The following LRRC27 variants were observed in gnomAD, a reference collection of about 807,000 sequenced individuals.
LRRC27 encodes the protein leucine rich repeat containing 27.
A neutral mutation model predicts 55.0 loss-of-function variants in LRRC27; 57 were observed. The ratio of observed to expected loss-of-function variants is 1.04; its 90% confidence interval spans 0.84 to 1.29. The LOEUF (loss-of-function observed/expected upper bound fraction) is 1.29. LRRC27 is among the 50% of genes most tolerant of loss of function. The probability of loss-of-function intolerance (pLI) is 0.00; values close to 1 mark genes in which losing one functional copy is unlikely to be tolerated. For missense variants in LRRC27, 721 were observed against 651.5 expected, an observed-to-expected ratio of 1.11 and a Z score of -1.16; for synonymous variants, 278 against 251.9, an observed-to-expected ratio of 1.10 and a Z score of -0.98.
At chr10:132,343,455 A>G (rs1213951553) in intron 4 of LRRC27, among the ~76,000 whole-genome samples, 1 of 152,254 alleles carries the variant, frequency 6.6e-6, no homozygotes, top group African/African-American at 2.4e-5. Context: ...TACACTTCAA[A>G]GAACAGAGAG....
intron 7 of LRRC27, among the ~76,000 whole-genome samples, chr10:132,354,441 G>A (rs1207914757): frequency 6.6e-6 from 1 of 152,164 alleles, no homozygotes; most frequent in South Asian, 2.1e-4. Flanking sequence ...GAGCGCAGCG[G>A]GGCCAGCACC....
chr10:132,337,799 A>C, intron 3 of LRRC27, 104 bp downstream of exon 3: 1 of 1,338,408 alleles, frequency 7.5e-7, no homozygotes, highest in Non-Finnish European at 1.0e-6. Context: ...TTTACCTCGG[A>C]ATAGAAACAT....
intron 9 of LRRC27, among the ~76,000 whole-genome samples, chr10:132,364,429 G>GCCCACACTTACACCCACC (rs2068851164): frequency 1.4e-4 from 1 of 7,068 alleles, no homozygotes; most frequent in Non-Finnish European, 4.0e-4. Flanking sequence ...TTACACCCAC[G>GCCCACACTTACACCCACC]CTTACATCTA....
rs2068830323 is a variant in LRRC27, at chr10:132,364,393, C to CCACACTTACACCCACA, written c.1290-1030_1290-1029insACACTTACACCCACAC. 5.2e-3 allele frequency among the ~76,000 whole-genome samples: 45 copies of CCACACTTACACCCACA among 8,642 alleles called. 3 individuals carry two copies. The highest frequency in any genetic ancestry group is 0.011 in the African/African-American group (26 of 2,306). 5.7% of individuals were successfully genotyped at this position (8,642 alleles called of 152,430 possible). On this transcript the variant is annotated intron_variant, in intron 9 of 10. Coordinates refer to ENST00000368614, the MANE Select transcript of LRRC27 (RefSeq NM_030626.3). ...TACACCCACCCACACTTACACCCAC[C>CCACACTTACACCCACA]CTTACATCTACCTCCACACCCGCGC...
chr10:132,343,811 TA>T (rs1319107156), intron 4 of LRRC27, among the ~76,000 whole-genome samples: 3 of 152,366 alleles, frequency 2.0e-5, no homozygotes, highest in African/African-American at 7.2e-5. Flanking sequence ...GCCACAGGAC[TA>T]GGGCCCCTGC....
chr10:132,364,846 TGGGG>T (rs2068975669), intron 9 of LRRC27, among the ~76,000 whole-genome samples: 3 of 2,540 alleles, frequency 1.2e-3, no homozygotes, highest in Admixed American at 5.4e-3. Context: ...GCCCACACCC[TGGGG>T]CCCCACACTC....
rs771427512 is a variant in LRRC27, at chr10:132,348,195, C to A, written c.765C>A (p.Ser255Arg). The A allele has an allele frequency of 1.9e-6, 3 of 1,613,886 alleles. No homozygotes were observed. The highest frequency in any genetic ancestry group is 2.7e-5 in the African/African-American group (2 of 74,876). Residue 255 changes from serine to arginine, a missense_variant, in exon 6 of 11, where the codon AGC becomes AGA. By Grantham distance (110) the Ser-to-Arg change is moderately radical (BLOSUM62 -1). Transcript: ENST00000368614. This position sits in a 1 kb window ranked among gnomAD's most constrained non-coding sequence, Gnocchi z 4.2. Reference sequence around the variant, plus strand: ...CGGACTCCTCAGAGAACTGGCCCAGCGAGGAGGAGATCAGGCGCTTTTGGA... The same window carrying A: ...CGGACTCCTCAGAGAACTGGCCCAGAGAGGAGGAGATCAGGCGCTTTTGGA... Reference protein sequence around the residue: ...KSADSSENWPSEEEIRRFWKL... With the variant: ...KSADSSENWPREEEIRRFWKL...
chr10:132,362,221 C>T (rs2068656634), intron 9 of LRRC27, among the ~76,000 whole-genome samples: 1 of 152,168 alleles, frequency 6.6e-6, no homozygotes, highest in African/African-American at 2.4e-5. Flanking sequence ...GGCAGGTTGT[C>T]ATCCCCGGGA....
chr10:132,364,476 C>CTACCT (rs1564853579), intron 9 of LRRC27, among the ~76,000 whole-genome samples: 15 of 128,148 alleles, frequency 1.2e-4, no homozygotes, highest in Admixed American at 1.8e-4. Context: ...CACACTTACA[C>CTACCT]CCACCCACAC....
chr10:132,331,349 C>G, upstream of LRRC27: 1 of 1,375,550 alleles, frequency 7.3e-7, no homozygotes, highest in Non-Finnish European at 9.8e-7. Flanking sequence ...CTCCAGGGTT[C>G]CACAGGACCA....
At chr10:132,364,417 G>GCTCACACCCACCCACA (rs2068843495) in intron 9 of LRRC27, among the ~76,000 whole-genome samples, 5 of 6,992 alleles carry the variant, frequency 7.2e-4, no homozygotes, top group Non-Finnish European at 1.7e-3. Flanking sequence ...CCACACCCGC[G>GCTCACACCCACCCACA]CTTACACCCA....
chr10:132,373,920 A>G (rs1191166280), intron 10 of LRRC27, among the ~76,000 whole-genome samples: 19 of 152,236 alleles, frequency 1.2e-4, no homozygotes, highest in African/African-American at 4.6e-4. Flanking sequence ...CACAGGGAAT[A>G]CAGGTTTCTA....
At chr10:132,366,923 AC>A (rs2133094521) in intron 10 of LRRC27, 1 of 1,284,198 alleles carries the variant, frequency 7.8e-7, no homozygotes, top group Non-Finnish European at 1.0e-6. Flanking sequence ...CCTGACTCGG[AC>A]CCCACTTCTG....
chr10:132,372,967 G>A lies in LRRC27; in HGVS notation c.1417-2099G>A, dbSNP rs1178412005. On this transcript the variant is annotated intron_variant, in intron 10 of 10. Coordinates refer to ENST00000368614, the MANE Select transcript of LRRC27 (RefSeq NM_030626.3). This position sits in a 1 kb window ranked among gnomAD's most constrained non-coding sequence, Gnocchi z 4.0. ...CAGCTGTTGAGGGAAGCCCCAAGGT[G>A]AGGGAGAGGCCAAAGCCAGCCGGCT... 1.3e-5 allele frequency among the ~76,000 whole-genome samples: 2 copies of A among 152,132 alleles called. No individual in the cohort carries two copies. The highest frequency in any genetic ancestry group is 4.8e-5 in the African/African-American group (2 of 41,438).
chr10:132,353,609 G>A (rs1448089341), intron 7 of LRRC27, among the ~76,000 whole-genome samples: 1 of 152,200 alleles, frequency 6.6e-6, no homozygotes, highest in Non-Finnish European at 1.5e-5. Flanking sequence ...GAGGCTGACT[G>A]ACCGCTCTAG....
intron 4 of LRRC27, among the ~76,000 whole-genome samples, chr10:132,343,250 G>A (rs1050199193): frequency 6.6e-6 from 1 of 152,192 alleles, no homozygotes; most frequent in Non-Finnish European, 1.5e-5. Flanking sequence ...AGGACTTCAA[G>A]GCTGCAGTGA....
intron 2 of LRRC27, chr10:132,336,640 C>T: frequency 4.6e-6 from 3 of 648,892 alleles, no homozygotes; most frequent in South Asian, 3.6e-5. Flanking sequence ...TGCTTGCCCA[C>T]ATTGCCCCGT....
intron 3 of LRRC27, 137 bp downstream of exon 3, chr10:132,337,832 C>T (rs1010489773): frequency 1.9e-6 from 2 of 1,055,494 alleles, no homozygotes; most frequent in South Asian, 3.3e-5. Flanking sequence ...TTAAAGCCAG[C>T]TAAGAGGTTG....
At chr10:132,342,454 T>C (rs955808234) in intron 4 of LRRC27, among the ~76,000 whole-genome samples, 183 bp downstream of exon 4, 1 of 152,226 alleles carries the variant, frequency 6.6e-6, no homozygotes, top group Admixed American at 6.5e-5. Flanking sequence ...ACTGTTCTTA[T>C]GGAGGTGTGA....
Sources: allele counts gnomAD v4.1 joint callset (sites outside exome capture counted in the v4.1 genomes callset), GRCh38; gene constraint gnomAD v4.1.1; non-coding constraint Gnocchi (gnomAD v3.1); transcripts MANE v1.5; gene names NCBI Gene and HGNC (gene_info 2026-07-23, HGNC 2026-07-21).